The following MRTFB variants were observed in gnomAD, a reference collection of about 807,000 sequenced individuals.
MRTFB encodes myocardin related transcription factor B.
In MRTFB, 29 loss-of-function variants were observed where a neutral mutation model predicts 104.2. That is an observed-to-expected ratio of 0.28 (90% CI 0.21 to 0.38). MRTFB has a LOEUF of 0.38. Among genes scored for constraint, MRTFB ranks in the 10% least tolerant of loss-of-function variants. The pLI is 1.00. For synonymous variants in MRTFB, 535 were observed against 519.5 expected (o/e 1.03, Z -0.41); for missense variants, 1,270 against 1,341.6 (o/e 0.95, Z 0.83).
intron 1 of MRTFB, among the ~76,000 whole-genome samples, chr16:14,073,329 T>TCCC (rs1175800105): frequency 2.6e-5 from 4 of 152,194 alleles, no homozygotes; most frequent in African/African-American, 9.7e-5. Context: ...GCCAGCGGTG[T>TCCC]CCCCCAGTCT....
intron 3 of MRTFB, chr16:14,149,599 G>C (rs2142759258): frequency 6.6e-6 from 1 of 152,268 alleles, no homozygotes; most frequent in African/African-American, 2.4e-5. Flanking sequence ...TTAAAAAATT[G>C]ATATTTCAAG....
At chr16:14,067,481 C>A (rs2033536759), upstream of MRTFB, among the ~76,000 whole-genome samples, 1 of 152,230 alleles carries the variant, frequency 6.6e-6, no homozygotes, top group Admixed American at 6.5e-5. Context: ...CCTTGGCCTC[C>A]CAAAGTGCTG....
chr16:14,178,828 C>T (rs58183466), intron 3 of MRTFB, among the ~76,000 whole-genome samples: 8,872 of 152,134 alleles, frequency 0.058, 514 homozygotes, highest in East Asian at 0.3. Context: ...CAGCTCACTG[C>T]AGCCTCGTCC....
chr16:14,028,472 C>T, the MRTFB span, among the ~76,000 whole-genome samples: 1 of 152,178 alleles, frequency 6.6e-6, no homozygotes, highest in African/African-American at 2.4e-5. Flanking sequence ...AGCAGCAGTG[C>T]TGTGCTAGGA....
At chr16:14,156,477 T>C (rs906836414) in intron 3 of MRTFB, among the ~76,000 whole-genome samples, 1 of 152,344 alleles carries the variant, frequency 6.6e-6, no homozygotes, top group East Asian at 1.9e-4. Flanking sequence ...CTAATAGTTA[T>C]GGTTGGTTCT....
At chr16:14,037,729 T>C in the MRTFB span, among the ~76,000 whole-genome samples, 1 of 152,142 alleles carries the variant, frequency 6.6e-6, no homozygotes, top group South Asian at 2.1e-4. Flanking sequence ...CTTAAGTGCA[T>C]GAGGCAGAGA....
At chr16:14,031,603 A>AAT in the MRTFB span, among the ~76,000 whole-genome samples, 1 of 152,112 alleles carries the variant, frequency 6.6e-6, no homozygotes, top group African/African-American at 2.4e-5. Flanking sequence ...CATGATAAGA[A>AAT]ATATATATAT....
intron 15 of MRTFB, among the ~76,000 whole-genome samples, chr16:14,253,436 T>C (rs780311896): frequency 2.0e-5 from 3 of 152,188 alleles, no homozygotes; most frequent in Non-Finnish European, 2.9e-5. Flanking sequence ...CGCTCCCGTG[T>C]TCCATGGGGT....
chr16:14,137,705 AAT>A (rs2037792461), intron 2 of MRTFB, among the ~76,000 whole-genome samples: 1 of 152,144 alleles, frequency 6.6e-6, no homozygotes, highest in African/African-American at 2.4e-5. Flanking sequence ...ATTTGATATT[AAT>A]ATAGTCATCA....
chr16:14,228,971 A>C (rs527748038), intron 8 of MRTFB, among the ~76,000 whole-genome samples: 10 of 152,374 alleles, frequency 6.6e-5, no homozygotes, highest in African/African-American at 1.9e-4. Flanking sequence ...GCTTGGGAAC[A>C]TGAACAAGTC....
At chr16:14,070,349 C>T (rs1395222467), upstream of MRTFB, among the ~76,000 whole-genome samples, 1 of 152,210 alleles carries the variant, frequency 6.6e-6, no homozygotes, top group African/African-American at 2.4e-5. Flanking sequence ...AATGTTAGCC[C>T]TTCCTCTTTA....
upstream of MRTFB, among the ~76,000 whole-genome samples, chr16:14,070,715 G>T (rs1262003797): frequency 6.6e-6 from 1 of 152,266 alleles, no homozygotes; most frequent in East Asian, 1.9e-4. Flanking sequence ...GCGGCTGAGA[G>T]GCAGCGCCTT....
At chr16:14,126,299 A>G (rs1172673322) in intron 2 of MRTFB, among the ~76,000 whole-genome samples, 3 of 152,194 alleles carry the variant, frequency 2.0e-5, no homozygotes, top group East Asian at 1.9e-4. Flanking sequence ...GGATTTAACA[A>G]TGCAAAATAT....
At chr16:14,018,323 G>T in the MRTFB span, among the ~76,000 whole-genome samples, 4 of 152,152 alleles carry the variant, frequency 2.6e-5, no homozygotes, top group African/African-American at 7.2e-5. Flanking sequence ...ACTTTACAGG[G>T]TTGCAGTGAA....
intron 2 of MRTFB, among the ~76,000 whole-genome samples, chr16:14,087,127 C>G (rs1317506235): frequency 6.6e-6 from 1 of 152,122 alleles, no homozygotes; most frequent in African/African-American, 2.4e-5. Context: ...GAGAATAGAT[C>G]CCTAGCAAAG....
chr16:14,034,985 G>A, the MRTFB span, among the ~76,000 whole-genome samples: 233 of 152,230 alleles, frequency 1.5e-3, 3 homozygotes, highest in African/African-American at 5.3e-3. Context: ...CTTTGGTCCC[G>A]GGGAGGGTAT....
At chr16:14,033,763 G>C in the MRTFB span, among the ~76,000 whole-genome samples, 1 of 150,258 alleles carries the variant, frequency 6.7e-6, no homozygotes, top group South Asian at 2.1e-4. Context: ...TTGAACCCAG[G>C]AGACAGAGGC....
At chr16:14,070,612 C>T (rs2033625916), upstream of MRTFB, among the ~76,000 whole-genome samples, 1 of 152,254 alleles carries the variant, frequency 6.6e-6, no homozygotes, top group African/African-American at 2.4e-5. Flanking sequence ...AAGCACTTTA[C>T]TGTCGCCAGC....
At chr16:14,200,750 G>C in intron 3 of MRTFB, 1 of 1,488,030 alleles carries the variant, frequency 6.7e-7, no homozygotes, top group Non-Finnish European at 9.4e-7. Context: ...GGGACTTGTT[G>C]CCTGTCCAGT....
Sources: allele counts gnomAD v4.1 joint callset (sites outside exome capture counted in the v4.1 genomes callset), GRCh38; gene constraint gnomAD v4.1.1; transcripts MANE v1.5; gene names NCBI Gene and HGNC (gene_info 2026-07-23, HGNC 2026-07-21).